The following PTPRM variants were observed in gnomAD, a reference collection of about 807,000 sequenced individuals.
The protein encoded by PTPRM is protein tyrosine phosphatase receptor type M, also known as receptor-type tyrosine-protein phosphatase mu.
PTPRM carries 47 observed loss-of-function variants against 186.7 expected under a neutral mutation model. The observed-to-expected ratio is 0.25, with a 90% CI of 0.20 to 0.32. The LOEUF is 0.32. Ranked by LOEUF, PTPRM falls within the 10% of genes least tolerant of loss-of-function variation. The pLI is 1.00. For synonymous variants in PTPRM, 668 were observed against 674.9 expected (o/e 0.99, Z 0.16); for missense variants, 1,494 against 1,865.0 (o/e 0.80, Z 3.66).
intron 14 of PTPRM, among the ~76,000 whole-genome samples, chr18:8,202,929 C>T (rs188645391): frequency 3.3e-5 from 5 of 152,214 alleles, no homozygotes; most frequent in African/African-American, 9.6e-5. Context: ...GCCTCCTCTT[C>T]TTCCATGAAG....
At chr18:8,004,373 G>A (rs565729568) in intron 7 of PTPRM, among the ~76,000 whole-genome samples, 9 of 151,852 alleles carry the variant, frequency 5.9e-5, no homozygotes, top group South Asian at 2.1e-4. Context: ...AGGGAATTGC[G>A]TAGAAAAATT....
At chr18:8,004,002 G>C (rs994523297) in intron 7 of PTPRM, among the ~76,000 whole-genome samples, 1 of 152,134 alleles carries the variant, frequency 6.6e-6, no homozygotes, top group Non-Finnish European at 1.5e-5. Flanking sequence ...TTTTCTGATG[G>C]CCCAGTGTTG....
At chr18:8,202,133 G>A (rs574336451) in intron 14 of PTPRM, among the ~76,000 whole-genome samples, 16 of 152,120 alleles carry the variant, frequency 1.1e-4, no homozygotes, top group African/African-American at 3.9e-4. Flanking sequence ...GCACATCATG[G>A]GCTTGACCTT....
intron 7 of PTPRM, among the ~76,000 whole-genome samples, chr18:8,038,793 A>G (rs1307769781): frequency 1.3e-5 from 2 of 152,090 alleles, no homozygotes; most frequent in Non-Finnish European, 2.9e-5. Context: ...CTTGATTGTT[A>G]TTATGCAAGT....
At chr18:8,379,365 G>T in intron 28 of PTPRM, 25 bp downstream of exon 28, 2 of 1,576,834 alleles carry the variant, frequency 1.3e-6, no homozygotes, top group African/African-American at 1.3e-5. Context: ...TCCCGCACGG[G>T]TCCGAGGCTG....
intron 28 of PTPRM, 46 bp from the exon 29 acceptor site, chr18:8,380,250 C>G (rs1233720546): frequency 6.3e-7 from 1 of 1,589,396 alleles, no homozygotes; most frequent in Non-Finnish European, 8.6e-7. Context: ...TTCTTCTCTT[C>G]CCATTTTCCT....
chr18:7,990,063 C>T (rs939674815), intron 7 of PTPRM, among the ~76,000 whole-genome samples: 6 of 152,250 alleles, frequency 3.9e-5, no homozygotes, highest in Middle Eastern at 3.4e-3. Flanking sequence ...ACCACCACGC[C>T]TGGCTAATTT....
intron 1 of PTPRM, among the ~76,000 whole-genome samples, chr18:7,663,395 GA>G (rs2039023104): frequency 6.6e-6 from 1 of 152,162 alleles, no homozygotes; most frequent in Non-Finnish European, 1.5e-5. Context: ...ATACAGCAGT[GA>G]ACAAAACACC....
intron 1 of PTPRM, among the ~76,000 whole-genome samples, chr18:7,756,819 T>C (rs2041514894): frequency 6.6e-6 from 1 of 152,154 alleles, no homozygotes; most frequent in African/African-American, 2.4e-5. Context: ...TTCCCTTGTG[T>C]TGTAAAGGGG....
chr18:8,372,659 C>G (rs1215885036), intron 24 of PTPRM, among the ~76,000 whole-genome samples: 1 of 151,524 alleles, frequency 6.6e-6, no homozygotes, highest in African/African-American at 2.4e-5. Context: ...CTGGTTGACT[C>G]AGTTCTTCAA....
chr18:8,152,445 A>G (rs2093030329), intron 14 of PTPRM, among the ~76,000 whole-genome samples: 1 of 152,044 alleles, frequency 6.6e-6, no homozygotes, highest in Admixed American at 6.6e-5. Flanking sequence ...CCCAGGACAA[A>G]CCGTTGCTCT....
In PTPRM at chr18:7,887,775, A is replaced by T. The variant is rs74487195; in HGVS notation, c.197-331A>T. ...ACACGCATTTTAAATATGGAATTTTAATTTTTATTTTAAATAATCACCTGT... is the reference window on the plus strand; with the variant it reads ...ACACGCATTTTAAATATGGAATTTTTATTTTTATTTTAAATAATCACCTGT... On this transcript the variant is annotated intron_variant, in intron 2 of 32. Transcript: ENST00000580170. Among the ~76,000 whole-genome samples, 1,772 of 152,316 alleles carry T rather than the reference A, an allele frequency of 0.012. 64 individuals carry two copies. In the East Asian group the frequency reaches 0.12, roughly 11 times the overall value.
intron 19 of PTPRM, among the ~76,000 whole-genome samples, chr18:8,295,653 A>G (rs77753718): frequency 0.046 from 6,961 of 152,280 alleles, 260 homozygotes; most frequent in African/African-American, 0.093. Flanking sequence ...ACCTCCTCAC[A>G]TAGTTGACCA....
At chr18:7,858,674 A>G (rs2047204370) in intron 2 of PTPRM, among the ~76,000 whole-genome samples, 1 of 152,230 alleles carries the variant, frequency 6.6e-6, no homozygotes, top group Non-Finnish European at 1.5e-5. Flanking sequence ...TAGAATACTT[A>G]ACGCAGTGCG....
At chr18:7,777,245 T>C (rs775832034) in intron 2 of PTPRM, among the ~76,000 whole-genome samples, 2 of 152,226 alleles carry the variant, frequency 1.3e-5, no homozygotes, top group Non-Finnish European at 2.9e-5. Flanking sequence ...AGACCAAGAG[T>C]TGGCAAACTG....
At chr18:7,687,211 G>A (rs545276133) in intron 1 of PTPRM, among the ~76,000 whole-genome samples, 1 of 152,092 alleles carries the variant, frequency 6.6e-6, no homozygotes, top group African/African-American at 2.4e-5. Flanking sequence ...CATCACTTTT[G>A]ATAGCACAGA....
chr18:8,125,718 A>G (rs1012110053), intron 13 of PTPRM, among the ~76,000 whole-genome samples: 7 of 151,828 alleles, frequency 4.6e-5, no homozygotes, highest in Admixed American at 4.6e-4. Context: ...ATCCTACTCT[A>G]AAGAGTACAC....
intron 24 of PTPRM, among the ~76,000 whole-genome samples, chr18:8,373,872 G>A (rs1166208733): frequency 1.3e-5 from 2 of 148,944 alleles, no homozygotes; most frequent in African/African-American, 5.0e-5. Context: ...GCAACAGAAT[G>A]AGACCCTGTC....
chr18:8,335,028 T>C (rs1354047251), intron 22 of PTPRM, among the ~76,000 whole-genome samples: 1 of 152,226 alleles, frequency 6.6e-6, no homozygotes, highest in Admixed American at 6.5e-5. Context: ...CTGTTTTCTT[T>C]CTCTGATTTT....
Sources: gnomAD v4.1 joint callset for allele counts (sites outside exome capture counted in the v4.1 genomes callset) on GRCh38, gnomAD v4.1.1 for gene constraint, MANE v1.5 for transcripts, NCBI Gene and HGNC (gene_info 2026-07-23, HGNC 2026-07-21) for gene names.